Variants in NHSL1 observed in about 807,000 individuals in gnomAD.
NHSL1 encodes the protein NHS like 1.
In NHSL1, 48 loss-of-function variants were observed where a neutral mutation model predicts 95.0. That is an observed-to-expected ratio of 0.51 (90% confidence interval 0.40 to 0.64). NHSL1 has a LOEUF of 0.64. NHSL1 is among the 30% of genes least tolerant of loss of function. NHSL1 has a pLI of 0.00. For missense variants in NHSL1, 1,971 were observed against 2,077.7 expected (o/e 0.95, Z 1.00); for synonymous variants, 783 against 833.9 (o/e 0.94, Z 1.05).
intron 1 of NHSL1, among the ~76,000 whole-genome samples, chr6:138,660,589 C>G (rs999657705): frequency 1.3e-5 from 2 of 150,674 alleles, no homozygotes; most frequent in Non-Finnish European, 3.0e-5. Context: ...TGCAGTGAGC[C>G]GAGATCGCGC....
At chr6:138,510,496 C>T (rs917128707) in intron 1 of NHSL1, among the ~76,000 whole-genome samples, 1 of 152,126 alleles carries the variant, frequency 6.6e-6, no homozygotes, top group Non-Finnish European at 1.5e-5. Flanking sequence ...TCCTAAACTA[C>T]AGAATACACA....
intron 1 of NHSL1, among the ~76,000 whole-genome samples, chr6:138,567,636 T>C (rs972246001): frequency 6.6e-5 from 10 of 152,120 alleles, no homozygotes; most frequent in Non-Finnish European, 1.2e-4. Context: ...GGAGAAAAAC[T>C]GGGATGAAAT....
intron 1 of NHSL1, among the ~76,000 whole-genome samples, chr6:138,598,353 A>G (rs146586414): frequency 0.012 from 1,761 of 151,978 alleles, 26 homozygotes; most frequent in African/African-American, 0.041. Flanking sequence ...AACTACTTGG[A>G]AGGCTAAGGC....
chr6:138,546,131 G>C (rs1782784193), upstream of NHSL1, among the ~76,000 whole-genome samples: 1 of 151,046 alleles, frequency 6.6e-6, no homozygotes. Context: ...TTCTAATATA[G>C]AACACACCAT....
At chr6:138,598,276 T>C (rs1352525092) in intron 1 of NHSL1, among the ~76,000 whole-genome samples, 1 of 152,026 alleles carries the variant, frequency 6.6e-6, no homozygotes, top group Non-Finnish European at 1.5e-5. Flanking sequence ...CAGGCCAACA[T>C]GGTGAAACCC....
At chr6:138,494,756 T>C (rs1284739281) in intron 2 of NHSL1, among the ~76,000 whole-genome samples, 1 of 152,208 alleles carries the variant, frequency 6.6e-6, no homozygotes, top group East Asian at 1.9e-4. Context: ...TTCTTTGGTA[T>C]ACTAAAGTCC....
intron 2 of NHSL1, among the ~76,000 whole-genome samples, chr6:138,483,132 A>C (rs1779526473): frequency 6.6e-6 from 1 of 152,224 alleles, no homozygotes; most frequent in Non-Finnish European, 1.5e-5. Flanking sequence ...AGGGATCAAC[A>C]TGATATCCAT....
rs779421373 is a variant in NHSL1, at chr6:138,619,066, G to A, written c.96+73410C>T. Among the ~76,000 whole-genome samples the A allele has an allele frequency of 5.3e-5, 8 of 152,256 alleles. No homozygotes were observed. In the South Asian group the frequency reaches 1.2e-3, roughly 24 times the overall value. ...AAAATGAAAAATGTTGGCCAGGTGC[G>A]GTGGCTCACGCTTATAATCCCAGCA... On this transcript the variant is annotated intron_variant, in intron 1 of 3. Transcript: ENST00000491526.
intron 1 of NHSL1, among the ~76,000 whole-genome samples, chr6:138,563,645 C>T (rs1455310345): frequency 3.3e-5 from 5 of 152,192 alleles, no homozygotes; most frequent in Admixed American, 2.6e-4. Flanking sequence ...ATTGTACCTG[C>T]TACTGGTATG....
chr6:138,552,401 C>A (rs868436485), intron 1 of NHSL1, among the ~76,000 whole-genome samples: 1 of 151,994 alleles, frequency 6.6e-6, no homozygotes, highest in African/African-American at 2.4e-5. Flanking sequence ...GCCTGGGGGA[C>A]AAAGTGAGGC....
chr6:138,495,175 G>A (rs1485933352), intron 2 of NHSL1, among the ~76,000 whole-genome samples: 1 of 151,330 alleles, frequency 6.6e-6, no homozygotes, highest in Non-Finnish European at 1.5e-5. Context: ...CCTGGGAGGT[G>A]GAGGTTGCAG....
At chr6:138,493,180 T>C (rs1780171375) in intron 2 of NHSL1, among the ~76,000 whole-genome samples, 2 of 152,324 alleles carry the variant, frequency 1.3e-5, no homozygotes, top group Middle Eastern at 3.4e-3. Flanking sequence ...CCACAGTTCA[T>C]AAGTCTATAA....
At chr6:138,476,108 T>C (rs945630574) in intron 2 of NHSL1, among the ~76,000 whole-genome samples, 2 of 152,148 alleles carry the variant, frequency 1.3e-5, no homozygotes, top group African/African-American at 4.8e-5. Context: ...GAACTAAAAA[T>C]AGAATGACCA....
chr6:138,523,627 GA>G (rs67335375), intron 1 of NHSL1, among the ~76,000 whole-genome samples: 222 of 64,928 alleles, frequency 3.4e-3, no homozygotes, highest in East Asian at 0.01. Flanking sequence ...TTTTAAAGAG[GA>G]AAAAAAAAAA....
chr6:138,674,838 A>G (rs1360783389), intron 1 of NHSL1, among the ~76,000 whole-genome samples: 1 of 152,146 alleles, frequency 6.6e-6, no homozygotes, highest in Non-Finnish European at 1.5e-5. Flanking sequence ...CATACCCAGT[A>G]ATAGGATTGC....
At chr6:138,477,099 T>C (rs1014599165) in intron 2 of NHSL1, among the ~76,000 whole-genome samples, 2 of 152,084 alleles carry the variant, frequency 1.3e-5, no homozygotes, top group African/African-American at 4.8e-5. Context: ...ATTCCTGCTA[T>C]CTCTGTAAAA....
At chr6:138,445,486 A>G (rs1200255916) in intron 4 of NHSL1, among the ~76,000 whole-genome samples, 1 of 143,320 alleles carries the variant, frequency 7.0e-6, no homozygotes, top group Non-Finnish European at 1.5e-5. Context: ...GTTTGCTGAG[A>G]AAATGGCTTA....
At chr6:138,535,091 G>A (rs1273544392) in intron 1 of NHSL1, among the ~76,000 whole-genome samples, 1 of 152,162 alleles carries the variant, frequency 6.6e-6, no homozygotes, top group Admixed American at 6.6e-5. Context: ...GGTCTTAAAA[G>A]ATCTACTCTG....
rs112159917 is a variant in NHSL1, at chr6:138,650,086, T to C, written c.96+42390A>G. The C allele has an allele frequency of 1.6e-3, 837 of 508,604 alleles. 15 individuals are homozygous for C. Among genetic ancestry groups the C allele is most frequent in the African/African-American group, 0.015 (753 of 51,384 alleles). The allele number at this position is 508,604 out of a possible 1,614,324, so 31.5% of individuals were successfully genotyped here. A position where few individuals can be genotyped will look rare whatever the true frequency, so the allele number is the denominator to read the frequency against. On this transcript the variant is annotated intron_variant, in intron 1 of 3. Coordinates refer to the NHSL1 transcript ENST00000491526. ...CATCTGGATAGACACATGGCAAATA[T>C]GGAAACTGAAGCCCGGCTGGGCGGG...
Sources: allele counts gnomAD v4.1 joint callset (sites outside exome capture counted in the v4.1 genomes callset), GRCh38; gene constraint gnomAD v4.1.1; transcripts MANE v1.5; gene names NCBI Gene and HGNC (gene_info 2026-07-23, HGNC 2026-07-21).